Variants in CRTAC1 observed in about 807,000 individuals in gnomAD.
CRTAC1 encodes the protein cartilage acidic protein 1.
CRTAC1 carries 37 observed loss-of-function variants against 67.8 expected under a neutral mutation model. The observed-to-expected ratio is 0.55, with a 90% CI of 0.42 to 0.72. CRTAC1 has a LOEUF of 0.72. Ranked by LOEUF, CRTAC1 falls within the 30% of genes least tolerant of loss-of-function variation. CRTAC1 has a pLI of 0.00. For missense variants in CRTAC1, 780 were observed against 931.6 expected (o/e 0.84, Z 2.12); for synonymous variants, 348 against 371.0 (o/e 0.94, Z 0.71).
At chr10:97,945,724 G>A (rs1397534030) in intron 2 of CRTAC1, among the ~76,000 whole-genome samples, 1 of 152,166 alleles carries the variant, frequency 6.6e-6, no homozygotes, top group African/African-American at 2.4e-5. Flanking sequence ...GGCCAGAGTG[G>A]AGAAGACTCC....
intron 2 of CRTAC1, among the ~76,000 whole-genome samples, chr10:97,992,497 T>C (rs184532877): frequency 3.9e-5 from 6 of 152,336 alleles, no homozygotes; most frequent in Admixed American, 3.3e-4. Flanking sequence ...TGCACTCCCA[T>C]GTTCATTGCA....
chr10:97,997,230 TATAATAATAATAATAATAATA>T (rs111567944), intron 2 of CRTAC1, among the ~76,000 whole-genome samples: 2 of 131,752 alleles, frequency 1.5e-5, no homozygotes, highest in African/African-American at 5.8e-5. Flanking sequence ...AAACTTAAAG[TATAATAATAATAATAATAATA>T]ATAATAATAA....
chr10:98,027,644 A>G (rs1006864216), intron 1 of CRTAC1, among the ~76,000 whole-genome samples: 20 of 152,218 alleles, frequency 1.3e-4, no homozygotes, highest in African/African-American at 4.8e-4. Context: ...AGAGGCAGGG[A>G]AAGAATAATT....
At chr10:97,921,036 G>C (rs910538738) in intron 4 of CRTAC1, among the ~76,000 whole-genome samples, 3 of 152,096 alleles carry the variant, frequency 2.0e-5, no homozygotes, top group Admixed American at 6.6e-5. Context: ...TGGCAGAGTG[G>C]GGGCGGGGCT....
In CRTAC1 at chr10:97,896,672, C is replaced by T. The variant is rs1003638412; in HGVS notation, c.1216+237G>A. On this transcript the variant is annotated intron_variant, in intron 9 of 14. Transcript: ENST00000370597. ...GACCCACAGATTCCCATTCCCCCAC[C>T]CCCCATCAGCCTGGGATTGGGGGAG... is the stretch of plus-strand genomic sequence containing the variant. Among the ~76,000 whole-genome samples, 3 of 152,198 alleles carry T rather than the reference C, an allele frequency of 2.0e-5. No individual in the cohort carries two copies. In the East Asian group the frequency reaches 5.8e-4, roughly 29 times the overall value.
At position 98,020,587 on chromosome 10, in the gene CRTAC1, G is replaced by C. The variant is rs1184522839; in HGVS notation, c.25-9250C>G. Among the ~76,000 whole-genome samples the C allele has an allele frequency of 2.0e-5, 3 of 152,214 alleles. No homozygotes were observed. In the South Asian group the frequency reaches 6.2e-4, roughly 32 times the overall value. ...ATCAAATTTGTCTTAACCATGAGAT[G>C]GGAGCACAGTGAAAGGAGCAACCAC... On this transcript the variant is annotated intron_variant, in intron 1 of 14. Transcript: ENST00000370597.
At chr10:97,935,300 T>C (rs472818) in intron 3 of CRTAC1, among the ~76,000 whole-genome samples, 67,720 of 152,066 alleles carry the variant, frequency 0.45, 15,728 homozygotes, top group African/African-American at 0.59. Flanking sequence ...AATGTAAATG[T>C]TTAGATCAGG....
Position 97,933,769 on chromosome 10 carries a change from A to G in CRTAC1, c.421+2401T>C, listed in dbSNP as rs537574037. 8.5e-5 allele frequency among the ~76,000 whole-genome samples: 13 copies of G among 152,314 alleles called. No individual in the cohort carries two copies. The South Asian group carries it at 2.5e-3, about 29-fold the overall frequency. On this transcript the variant is annotated intron_variant, in intron 3 of 14. Coordinates refer to ENST00000370597, the MANE Select transcript of CRTAC1 (RefSeq NM_018058.7). ...TGGATGAATGCATTAATAAATGAGT[A>G]GGGTTGTTGTGGGGCTGAGCATGAA...
chr10:97,865,985 G>T, intron 14 of CRTAC1: 3 of 445,958 alleles, frequency 6.7e-6, no homozygotes, highest in Non-Finnish European at 7.8e-6. Flanking sequence ...GGAAGGCTGG[G>T]GTGGGGAGAA....
At chr10:97,923,182 T>C (rs2050864830) in intron 4 of CRTAC1, 82 bp downstream of exon 4, 1 of 1,545,916 alleles carries the variant, frequency 6.5e-7, no homozygotes, top group South Asian at 1.1e-5. Flanking sequence ...GACGCCACTC[T>C]GTCAGGGGAC....
intron 11 of CRTAC1, among the ~76,000 whole-genome samples, chr10:97,890,920 G>T (rs2050362250): frequency 6.6e-6 from 1 of 152,172 alleles, no homozygotes; most frequent in Non-Finnish European, 1.5e-5. Context: ...GCCCGCCTTG[G>T]CCTCCCAAAG....
chr10:97,925,935 C>T (rs1227554366), intron 3 of CRTAC1, among the ~76,000 whole-genome samples: 1 of 152,090 alleles, frequency 6.6e-6, no homozygotes, highest in Non-Finnish European at 1.5e-5. Context: ...GGGGGCCTCA[C>T]GTTGGGACCC....
At chr10:97,965,672 CTAAAG>C (rs1391637542) in intron 2 of CRTAC1, among the ~76,000 whole-genome samples, 2 of 151,962 alleles carry the variant, frequency 1.3e-5, no homozygotes, top group Admixed American at 6.6e-5. Context: ...TGGCTGCTCC[CTAAAG>C]TAAAGTCATT....
At chr10:97,896,802 G>A in intron 9 of CRTAC1, 107 bp downstream of exon 9, 1 of 685,566 alleles carries the variant, frequency 1.5e-6, no homozygotes, top group Non-Finnish European at 2.3e-6. Context: ...GCAGGGACAG[G>A]AGTGGCTCTG....
At chr10:97,883,994 A>G (rs2050247732) in intron 12 of CRTAC1, among the ~76,000 whole-genome samples, 1 of 152,222 alleles carries the variant, frequency 6.6e-6, no homozygotes, top group African/African-American at 2.4e-5. Flanking sequence ...CCCTGCCAAT[A>G]CACCAGGGAT....
Position 97,929,322 on chromosome 10 carries a change from A to G in CRTAC1, c.422-5922T>C, listed in dbSNP as rs2050967963. Among the ~76,000 whole-genome samples the G allele has an allele frequency of 3.3e-5, 5 of 152,200 alleles. No individual in the cohort carries two copies. The South Asian group carries it at 1.0e-3, about 31-fold the overall frequency. ...CCCAGGGAGAAGCCACATTTGGGAC[A>G]GAGATGGAGGCATCAGAAGACTAGA... On this transcript the variant is annotated intron_variant, in intron 3 of 14. Coordinates refer to ENST00000370597, the MANE Select transcript of CRTAC1 (RefSeq NM_018058.7).
At chr10:98,021,571 C>T (rs78775910) in intron 1 of CRTAC1, among the ~76,000 whole-genome samples, 3,525 of 152,218 alleles carry the variant, frequency 0.023, 130 homozygotes, top group African/African-American at 0.076. Flanking sequence ...TAATGTTTAT[C>T]GGGTTGCCAT....
chr10:97,929,919 AGAAAGAACTCATTCAG>A (rs1030154488), intron 3 of CRTAC1, among the ~76,000 whole-genome samples: 2 of 152,230 alleles, frequency 1.3e-5, no homozygotes, highest in African/African-American at 4.8e-5. Flanking sequence ...CTCCAGGGGA[AGAAAGAACTCATTCAG>A]GCAAAGGACA....
intron 2 of CRTAC1, among the ~76,000 whole-genome samples, chr10:98,004,078 T>G (rs1287526251): frequency 6.6e-6 from 1 of 152,240 alleles, no homozygotes; most frequent in East Asian, 1.9e-4. Flanking sequence ...AATTAGTATT[T>G]AATTTAATTG....
Sources: gnomAD v4.1 joint callset for allele counts (sites outside exome capture counted in the v4.1 genomes callset) on GRCh38, gnomAD v4.1.1 for gene constraint, MANE v1.5 for transcripts, NCBI Gene and HGNC (gene_info 2026-07-23, HGNC 2026-07-21) for gene names.